EPHA10: variants seen among roughly 807,000 people sequenced by gnomAD.
EPHA10 encodes the protein ephrin type-A receptor 10.
In EPHA10, 120 loss-of-function variants were observed where a neutral mutation model predicts 109.7. The ratio of observed to expected loss-of-function variants is 1.09; its 90% confidence interval spans 0.94 to 1.27. The LOEUF (loss-of-function observed/expected upper bound fraction) is 1.27. Ranked by LOEUF, EPHA10 falls within the 50% of genes most tolerant of loss-of-function variation. The pLI, the probability that EPHA10 is intolerant of heterozygous loss-of-function variation, is 0.00. For synonymous variants in EPHA10, 640 were observed against 618.9 expected (o/e 1.03, Z -0.51); for missense variants, 1,396 against 1,411.1 (o/e 0.99, Z 0.17).
chr1:37,725,724 G>C (rs563570321), intron 8 of EPHA10, among the ~76,000 whole-genome samples: 1 of 152,102 alleles, frequency 6.6e-6, no homozygotes, highest in Non-Finnish European at 1.5e-5. Flanking sequence ...GGAGATGAAG[G>C]GGGGAAGGCT....
intron 5 of EPHA10, among the ~76,000 whole-genome samples, chr1:37,741,291 T>C (rs1394603537): frequency 6.6e-6 from 1 of 151,872 alleles, no homozygotes; most frequent in East Asian, 1.9e-4. Context: ...GACAACAGAG[T>C]AAGATGATGA....
chr1:37,718,566 G>T, intron 16 of EPHA10, 80 bp from the exon 17 acceptor site: 1 of 1,610,586 alleles, frequency 6.2e-7, no homozygotes, highest in Non-Finnish European at 8.5e-7. Flanking sequence ...CTCTCCCTCC[G>T]CTTCTCTGGA....
intron 7 of EPHA10, among the ~76,000 whole-genome samples, chr1:37,728,070 C>T (rs966176830): frequency 5.3e-5 from 8 of 152,130 alleles, no homozygotes; most frequent in African/African-American, 1.9e-4. Context: ...TTCCTAAAGC[C>T]AATGAGGAAG....
intron 5 of EPHA10, among the ~76,000 whole-genome samples, chr1:37,741,931 A>T (rs867468949): frequency 6.6e-6 from 1 of 152,114 alleles, no homozygotes; most frequent in Non-Finnish European, 1.5e-5. Context: ...AGGCGAGAGG[A>T]GTGATGAAGC....
intron 8 of EPHA10, 64 bp downstream of exon 8, chr1:37,727,038 C>T: frequency 7.6e-7 from 1 of 1,316,770 alleles, no homozygotes; most frequent in Non-Finnish European, 1.1e-6. Flanking sequence ...TGCCTGTGAG[C>T]ACACATTAAT....
Position 37,765,035 on chromosome 1 carries a change from C to A in EPHA10, c.32G>T (p.Arg11Leu), listed in dbSNP as rs749996640. 4 of 1,608,846 alleles carry A rather than the reference C, an allele frequency of 2.5e-6. No homozygotes were observed. The highest frequency in any genetic ancestry group is 3.4e-6 in the Non-Finnish European group (4 of 1,178,934). The change falls in exon 1 of 17, where the codon CGC becomes CTC. Residue 11 changes from arginine to leucine, a missense_variant. Arg to Leu is a moderately radical substitution (Grantham distance 102). Coordinates refer to ENST00000373048, the MANE Select transcript of EPHA10 (RefSeq NM_001099439.2). METCAGPHPL[R>L]LFLCRMQLCL... Reference sequence around the variant, plus strand: ...GAGCTGCATCCGGCAGAGGAAGAGGCGCAGCGGGTGTGGACCGGCGCAGGT... The same window carrying A: ...GAGCTGCATCCGGCAGAGGAAGAGGAGCAGCGGGTGTGGACCGGCGCAGGT...
intron 3 of EPHA10, among the ~76,000 whole-genome samples, chr1:37,758,456 T>C (rs1427047780): frequency 1.3e-5 from 2 of 152,250 alleles, no homozygotes; most frequent in Non-Finnish European, 2.9e-5. Flanking sequence ...ACCTGTTCTC[T>C]GTGTCCATCA....
chr1:37,751,201 C>CAAACA (rs1646318059), intron 5 of EPHA10, among the ~76,000 whole-genome samples: 1 of 46,128 alleles, frequency 2.2e-5, no homozygotes, highest in African/African-American at 7.6e-5. Flanking sequence ...AGACTCCTCT[C>CAAACA]AAAAAAAAAA....
At chr1:37,748,260 G>C (rs2148356089) in intron 5 of EPHA10, among the ~76,000 whole-genome samples, 1 of 152,254 alleles carries the variant, frequency 6.6e-6, no homozygotes, top group Middle Eastern at 3.4e-3. Flanking sequence ...TTGGGAGGCT[G>C]AGGCAGCAGA....
intron 5 of EPHA10, among the ~76,000 whole-genome samples, chr1:37,741,609 T>C (rs1646154690): frequency 6.6e-6 from 1 of 152,096 alleles, no homozygotes; most frequent in African/African-American, 2.4e-5. Flanking sequence ...GAGTGGCACA[T>C]TTCTACTTAT....
chr1:37,720,935 C>T (rs116144223), intron 11 of EPHA10, 91 bp from the exon 12 acceptor site: 16 of 1,304,184 alleles, frequency 1.2e-5, no homozygotes, highest in South Asian at 2.5e-5. Context: ...GACTGGGCCT[C>T]GAGAGCCAGA....
intron 7 of EPHA10, among the ~76,000 whole-genome samples, chr1:37,730,424 G>A (rs1645962763): frequency 6.6e-6 from 1 of 152,206 alleles, no homozygotes; most frequent in Non-Finnish European, 1.5e-5. Flanking sequence ...AGGGCAGATA[G>A]AGGTGAGATC....
intron 5 of EPHA10, among the ~76,000 whole-genome samples, chr1:37,750,723 G>A (rs1226365618): frequency 6.6e-6 from 1 of 151,986 alleles, no homozygotes; most frequent in Non-Finnish European, 1.5e-5. Flanking sequence ...GGTACTACAG[G>A]CACACATCAC....
rs759588548 is a variant in EPHA10 at position 37,764,982 on chromosome 1, G to T, written c.85C>A (p.Arg29=). 6.2e-7 allele frequency: 1 copy of T among 1,609,306 alleles called. No individual in the cohort carries two copies. Among genetic ancestry groups the T allele is most frequent in the Non-Finnish European group, 8.5e-7 (1 of 1,178,672 alleles). ...LCLALLLGPW[R]PGTAEEVILL... is the part of the protein sequence containing the mutation. ...TCACCTTCCTCGGCGGTCCCAGGCCGCCAGGGTCCCAAAAGCAGCGCGAGA... is the reference window on the plus strand; with the variant it reads ...TCACCTTCCTCGGCGGTCCCAGGCCTCCAGGGTCCCAAAAGCAGCGCGAGA... The change falls in exon 1 of 17, where the codon CGG becomes AGG. Residue 29 remains arginine (R), a synonymous_variant. Transcript: ENST00000373048. This position sits in a 1 kb window ranked among gnomAD's most constrained non-coding sequence, Gnocchi z 5.8.
chr1:37,723,048 A>G lies in EPHA10; in HGVS notation c.1953T>C (p.Leu651=), dbSNP rs768018866. The G allele has an allele frequency of 3.1e-6, 5 of 1,614,132 alleles. No individual in the cohort carries two copies. The highest frequency in any genetic ancestry group is 3.3e-5 in the Admixed American group (2 of 60,030). ...CCTGGGCGCCCAGCTTGCCTCCTCC[A>G]AGGCTCCTCTCCAGCGTGACGCTTT... ...DAKSVTLERS[L]GGGRFGELCC... Residue 651 remains leucine (L), a synonymous_variant, in exon 10 of 17, where the codon CTT becomes CTC. Transcript: ENST00000373048.
At position 37,719,440 on chromosome 1, in the gene EPHA10, G is replaced by T. The variant is rs1382292289; in HGVS notation, c.2730C>A (p.Pro910=). The T allele has an allele frequency of 6.2e-7, 1 of 1,613,522 alleles. No individual in the cohort carries two copies. The highest frequency in any genetic ancestry group is 8.5e-7 in the Non-Finnish European group (1 of 1,179,968). Residue 910 remains proline (P), a synonymous_variant, in exon 15 of 17, where the codon CCC becomes CCA. Coordinates refer to ENST00000373048, the MANE Select transcript of EPHA10 (RefSeq NM_001099439.2). ...LSKMVQDPEP[P]KCALTTCPRP... Reference sequence around the variant, plus strand: ...TGGGACAGGTAGTCAGGGCACACTTGGGGGGCTCTGGGTCCTGCACCATCT... The same window carrying T: ...TGGGACAGGTAGTCAGGGCACACTTTGGGGGCTCTGGGTCCTGCACCATCT...
Position 37,718,174 on chromosome 1 carries a change from G to C in EPHA10, c.*198C>G, listed in dbSNP as rs1238501652. 3.4e-6 allele frequency: 2 copies of C among 586,428 alleles called. No individual in the cohort carries two copies. Among genetic ancestry groups the C allele is most frequent in the Non-Finnish European group, 6.1e-6 (2 of 329,662 alleles). 36.3% of individuals were successfully genotyped at this position (586,428 alleles called of 1,614,324 possible). A position where few individuals can be genotyped will look rare whatever the true frequency, so the allele number is the denominator to read the frequency against. On this transcript the variant is annotated 3_prime_UTR_variant, in exon 17 of 17. Coordinates refer to ENST00000373048, the MANE Select transcript of EPHA10 (RefSeq NM_001099439.2). ...ACCTCTTTTCAGGGGCACTGAGTTA[G>C]CCAAGGCGTTCAGACTCGTGAAAAT...
intron 6 of EPHA10, among the ~76,000 whole-genome samples, chr1:37,731,896 G>A (rs1430168821): frequency 6.6e-6 from 1 of 152,178 alleles, no homozygotes; most frequent in Non-Finnish European, 1.5e-5. Context: ...GGGCCACCAG[G>A]GCCTGTCCAT....
intron 6 of EPHA10, among the ~76,000 whole-genome samples, chr1:37,733,148 C>T (rs960308299): frequency 2.0e-5 from 3 of 151,388 alleles, no homozygotes; most frequent in African/African-American, 4.9e-5. Flanking sequence ...CTGCCTTGGC[C>T]TCTCGAAGTG....
Sources: gnomAD v4.1 joint callset for allele counts (sites outside exome capture counted in the v4.1 genomes callset) on GRCh38, gnomAD v4.1.1 for gene constraint, Gnocchi (gnomAD v3.1) non-coding constraint, MANE v1.5 for transcripts, NCBI Gene and HGNC (gene_info 2026-07-23, HGNC 2026-07-21) for gene names.